RAB6B: variants seen among roughly 807,000 people sequenced by gnomAD.
RAB6B encodes the protein ras-related protein Rab-6B.
In RAB6B, 7 loss-of-function variants were observed where a neutral mutation model predicts 31.2. The observed-to-expected ratio is 0.22, with a 90% CI of 0.13 to 0.42. The LOEUF is 0.42. RAB6B is among the 10% of genes least tolerant of loss of function. The probability of loss-of-function intolerance (pLI) is 1.00; values close to 1 mark genes in which losing one functional copy is unlikely to be tolerated. For missense variants in RAB6B, 149 were observed against 280.6 expected (o/e 0.53, Z 3.35); for synonymous variants, 105 against 104.9 (o/e 1.00, Z -0.01).
At chr3:133,829,918 ATG>A (rs1168939438) in intron 7 of RAB6B, among the ~76,000 whole-genome samples, 2 of 151,194 alleles carry the variant, frequency 1.3e-5, no homozygotes, top group African/African-American at 4.8e-5. Flanking sequence ...TATTTTCCCC[ATG>A]TGTGTGTGTA....
intron 7 of RAB6B, among the ~76,000 whole-genome samples, chr3:133,829,563 T>C (rs1935625919): frequency 6.6e-6 from 1 of 152,176 alleles, no homozygotes; most frequent in African/African-American, 2.4e-5. Context: ...TAATTATAGC[T>C]GAGGATCAGG....
At chr3:133,846,169 G>A in intron 2 of RAB6B, among the ~76,000 whole-genome samples, 1 of 152,196 alleles carries the variant, frequency 6.6e-6, no homozygotes, top group East Asian at 1.9e-4. Flanking sequence ...ATTGGAAGCT[G>A]GGCATGGTGG....
At chr3:133,883,019 T>C (rs1936490471) in intron 1 of RAB6B, among the ~76,000 whole-genome samples, 5 of 152,182 alleles carry the variant, frequency 3.3e-5, no homozygotes, top group Admixed American at 3.3e-4. Context: ...TTAAAATAAT[T>C]TGGGAGTGGT....
At chr3:133,854,414 T>G (rs1393523942) in intron 2 of RAB6B, among the ~76,000 whole-genome samples, 1 of 152,250 alleles carries the variant, frequency 6.6e-6, no homozygotes, top group Non-Finnish European at 1.5e-5. Context: ...AGGTCTGACC[T>G]TGGGGAGTTT....
At chr3:133,889,763 T>A (rs550668085) in intron 1 of RAB6B, among the ~76,000 whole-genome samples, 1 of 152,280 alleles carries the variant, frequency 6.6e-6, no homozygotes, top group East Asian at 1.9e-4. Context: ...TATAATTTAA[T>A]GTGATTCATT....
intron 1 of RAB6B, among the ~76,000 whole-genome samples, chr3:133,893,496 T>C (rs1936665574): frequency 6.6e-6 from 1 of 152,170 alleles, no homozygotes. Context: ...CCTCCGTTCA[T>C]CAGGGATTCT....
In RAB6B at chr3:133,838,225, T is replaced by C. The variant is rs1935770424; in HGVS notation, c.436A>G (p.Lys146Glu). The C allele has an allele frequency of 1.9e-6, 3 of 1,614,190 alleles. No homozygotes were observed. Among genetic ancestry groups the C allele is most frequent in the Non-Finnish European group, 2.5e-6 (3 of 1,180,018 alleles). ...ITIEEGEQRA[K>E]ELSVMFIETS... Reference sequence around the variant, plus strand: ...TCAATGAACATGACGCTCAGTTCTTTGGCGCGCTGCTCCCCCTCCTCGATG... The same window carrying C: ...TCAATGAACATGACGCTCAGTTCTTCGGCGCGCTGCTCCCCCTCCTCGATG... Residue 146 changes from lysine to glutamate, a missense_variant, in exon 6 of 8, where the codon AAA becomes GAA. Transcript: ENST00000285208.
chr3:133,880,851 G>A (rs1046319925), intron 1 of RAB6B, among the ~76,000 whole-genome samples: 3 of 152,176 alleles, frequency 2.0e-5, no homozygotes, highest in African/African-American at 7.2e-5. Flanking sequence ...GCCCCCAGAA[G>A]GACTCAATGT....
intron 2 of RAB6B, among the ~76,000 whole-genome samples, chr3:133,854,304 C>G (rs886326867): frequency 2.0e-5 from 3 of 152,236 alleles, no homozygotes; most frequent in Non-Finnish European, 4.4e-5. Flanking sequence ...CATTCTTTCT[C>G]TGAACTTCAT....
intron 2 of RAB6B, among the ~76,000 whole-genome samples, chr3:133,856,567 C>T (rs992929571): frequency 2.0e-5 from 3 of 152,168 alleles, no homozygotes; most frequent in African/African-American, 7.2e-5. Flanking sequence ...TTAGCTTTTA[C>T]AGTCTCTAAT....
chr3:133,872,368 C>G (rs1246623167), intron 1 of RAB6B, among the ~76,000 whole-genome samples: 1 of 152,378 alleles, frequency 6.6e-6, no homozygotes, highest in South Asian at 2.1e-4. Context: ...ACCCGCATCC[C>G]TGCTGCACAG....
In RAB6B at chr3:133,828,534, T is replaced by C; in HGVS notation, c.*254A>G. 2.1e-6 allele frequency: 1 copy of C among 484,664 alleles called. No homozygotes were observed. The highest frequency in any genetic ancestry group is 3.6e-6 in the Non-Finnish European group (1 of 276,730). 30.0% of individuals were successfully genotyped at this position (484,664 alleles called of 1,614,324 possible). On this transcript the variant is annotated 3_prime_UTR_variant, in exon 8 of 8. Coordinates refer to ENST00000285208, the MANE Select transcript of RAB6B (RefSeq NM_016577.4). ...TTAAATTTTTTTTAAATTTTAACAG[T>C]TTTTGGCAATCTTAATAAAGTACAA...
intron 2 of RAB6B, among the ~76,000 whole-genome samples, chr3:133,858,553 T>C (rs1936114883): frequency 6.6e-6 from 1 of 152,198 alleles, no homozygotes; most frequent in Admixed American, 6.5e-5. Flanking sequence ...ACATTGTCTT[T>C]CTCTGTGAAT....
At chr3:133,849,979 A>C (rs781590026) in intron 2 of RAB6B, among the ~76,000 whole-genome samples, 1 of 152,206 alleles carries the variant, frequency 6.6e-6, no homozygotes, top group Non-Finnish European at 1.5e-5. Context: ...GAGAAATTAG[A>C]GAACAATCTG....
In RAB6B at chr3:133,837,909, C is replaced by T. The variant is rs114560828; in HGVS notation, c.495+257G>A. On this transcript the variant is annotated intron_variant, in intron 6 of 7. Transcript: ENST00000285208. ...CACTCTTAGGGCCTGCTACGTGGGC[C>T]GTGACTGGCAACTACTACGGTGGCT... Among the ~76,000 whole-genome samples, 557 of 152,330 alleles carry T rather than the reference C, an allele frequency of 3.7e-3. 3 individuals are homozygous for T. Among genetic ancestry groups the T allele is most frequent in the African/African-American group, 0.013 (523 of 41,572 alleles).
Position 133,874,594 on chromosome 3 carries a change from A to G in RAB6B, c.71-9952T>C, listed in dbSNP as rs138298396. Among the ~76,000 whole-genome samples the G allele has an allele frequency of 3.8e-4, 58 of 152,376 alleles. 1 individual carries two copies. The East Asian group carries it at 0.01, about 27-fold the overall frequency. ...GACATTACACTACAATAGACTGTAC[A>G]TTTAGGCTACACTAAATCTATTTAA... On this transcript the variant is annotated intron_variant, in intron 1 of 7. Transcript: ENST00000285208.
At chr3:133,895,142 G>A (rs932439775) in intron 1 of RAB6B, among the ~76,000 whole-genome samples, 2 of 152,084 alleles carry the variant, frequency 1.3e-5, no homozygotes, top group South Asian at 4.1e-4. Context: ...CTGCAGCGCC[G>A]CACCTGCACC....
chr3:133,860,932 T>A (rs1287533375), intron 2 of RAB6B, among the ~76,000 whole-genome samples: 4 of 152,172 alleles, frequency 2.6e-5, no homozygotes, highest in Non-Finnish European at 5.9e-5. Context: ...CCCGAGCCCG[T>A]GAATCTCGCA....
chr3:133,869,639 G>A (rs907280880), intron 1 of RAB6B, among the ~76,000 whole-genome samples: 3 of 152,252 alleles, frequency 2.0e-5, no homozygotes, highest in Admixed American at 6.5e-5. Context: ...GCAGGCCTGT[G>A]ACTATGGCAG....
Sources: allele counts gnomAD v4.1 joint callset (sites outside exome capture counted in the v4.1 genomes callset), GRCh38; gene constraint gnomAD v4.1.1; transcripts MANE v1.5; gene names NCBI Gene and HGNC (gene_info 2026-07-23, HGNC 2026-07-21).